PTPRO: variants seen among roughly 807,000 people sequenced by gnomAD.
The protein encoded by PTPRO is protein tyrosine phosphatase receptor type O.
PTPRO carries 62 observed loss-of-function variants against 145.2 expected under a neutral mutation model. The ratio of observed to expected loss-of-function variants is 0.43; its 90% CI spans 0.35 to 0.53. The LOEUF (loss-of-function observed/expected upper bound fraction) is 0.53. PTPRO is among the 20% of genes least tolerant of loss of function. The pLI, the probability that PTPRO is intolerant of heterozygous loss-of-function variation, is 0.01. For missense variants in PTPRO, 1,345 were observed against 1,482.7 expected, an observed-to-expected ratio of 0.91 and a Z score of 1.53; for synonymous variants, 565 against 514.7, an observed-to-expected ratio of 1.10 and a Z score of -1.32.
At chr12:15,595,083 G>T in intron 26 of PTPRO, 26 bp downstream of exon 26, 1 of 1,476,346 alleles carries the variant, frequency 6.8e-7, no homozygotes, top group Non-Finnish European at 9.5e-7. Flanking sequence ...CTCTCCACGA[G>T]TGCTCAGTCT....
At position 15,586,932 on chromosome 12, in the gene PTPRO, C is replaced by T. The variant is rs1224927278; in HGVS notation, c.3291C>T (p.Tyr1097=). 1 of 1,614,092 alleles carries T rather than the reference C, an allele frequency of 6.2e-7. No individual in the cohort carries two copies. Among genetic ancestry groups the T allele is most frequent in the South Asian group, 1.1e-5 (1 of 91,080 alleles). Residue 1097 remains tyrosine, a synonymous_variant, in exon 24 of 27, where the codon TAC becomes TAT. Coordinates refer to ENST00000281171, the MANE Select transcript of PTPRO (RefSeq NM_030667.3). ...DEMQDVMHFN[Y]TAWPDHGVPT... is the part of the protein sequence containing the mutation. ...TGCAGGATGTGATGCATTTTAACTA[C>T]ACTGCATGGCCTGATCATGGTGTGC...
In PTPRO at chr12:15,549,140, T is replaced by C; in HGVS notation, c.2351T>C (p.Leu784Pro). Residue 784 changes from leucine to proline, a missense_variant, in exon 14 of 27, where the codon CTT (leucine) becomes CCT (proline). Transcript: ENST00000281171. ...SSHVVTISSL[L>P]PATAYNCSVT... ...CATGTCGTGACCATCTCCAGCCTTC[T>C]TCCTGCCACTGCCTACAATTGTAGT... The C allele has an allele frequency of 6.2e-7, 1 of 1,613,684 alleles. No homozygotes were observed. The highest frequency in any genetic ancestry group is 8.5e-7 in the Non-Finnish European group (1 of 1,179,720).
chr12:15,505,017 C>T (rs1219522562), intron 6 of PTPRO, among the ~76,000 whole-genome samples: 1 of 152,178 alleles, frequency 6.6e-6, no homozygotes, highest in East Asian at 1.9e-4. Context: ...TCCCAACTGC[C>T]TTGTGTGTCT....
At chr12:15,478,829 G>A (rs914958868) in intron 1 of PTPRO, among the ~76,000 whole-genome samples, 10 of 152,008 alleles carry the variant, frequency 6.6e-5, no homozygotes, top group South Asian at 2.1e-4. Context: ...CCGCCACCAC[G>A]CCCGGGTAAT....
intron 1 of PTPRO, among the ~76,000 whole-genome samples, chr12:15,451,598 A>C (rs1262603056): frequency 6.6e-6 from 1 of 152,238 alleles, no homozygotes; most frequent in Non-Finnish European, 1.5e-5. Context: ...GATAGGCCAC[A>C]AAACAAGTCT....
chr12:15,410,333 A>C (rs2136311739), intron 1 of PTPRO: 1 of 152,328 alleles, frequency 6.6e-6, no homozygotes, highest in South Asian at 2.1e-4. Context: ...TGATGGACCA[A>C]GTAAAGCAGG....
chr12:15,398,175 TAAC>T (rs1257572342), intron 1 of PTPRO, among the ~76,000 whole-genome samples: 1 of 152,206 alleles, frequency 6.6e-6, no homozygotes, highest in Non-Finnish European at 1.5e-5. Context: ...CTTCAAATGC[TAAC>T]AACATCATTA....
At chr12:15,434,762 G>T (rs1940548404) in intron 1 of PTPRO, among the ~76,000 whole-genome samples, 1 of 152,114 alleles carries the variant, frequency 6.6e-6, no homozygotes, top group Non-Finnish European at 1.5e-5. Context: ...AAGAGCTGTT[G>T]AATGTGTGCA....
intron 1 of PTPRO, among the ~76,000 whole-genome samples, chr12:15,347,017 T>C (rs1340921250): frequency 6.6e-6 from 1 of 152,128 alleles, no homozygotes; most frequent in African/African-American, 2.4e-5. Flanking sequence ...CCATTCTCTC[T>C]GCCTGGAAAA....
Position 15,370,079 on chromosome 12 carries a change from C to T in PTPRO, c.75+47278C>T, listed in dbSNP as rs922790676. Among the ~76,000 whole-genome samples, 4 of 152,030 alleles carry T rather than the reference C, an allele frequency of 2.6e-5. No individual in the cohort carries two copies. In the South Asian group the frequency reaches 8.3e-4, roughly 32 times the overall value. On this transcript the variant is annotated intron_variant, in intron 1 of 26. Transcript: ENST00000281171. Reference sequence around the variant, plus strand: ...AAAAAATTTTAAAAATGTGTTTCCTCCTCAAGGAAGTGTATGTTATCTCAA... The same window carrying T: ...AAAAAATTTTAAAAATGTGTTTCCTTCTCAAGGAAGTGTATGTTATCTCAA...
chr12:15,527,004 TATA>T (rs1314871422), intron 12 of PTPRO, among the ~76,000 whole-genome samples: 2 of 152,124 alleles, frequency 1.3e-5, no homozygotes, highest in East Asian at 1.9e-4. Context: ...TATATTTTCA[TATA>T]ATGAGAGAAA....
intron 18 of PTPRO, among the ~76,000 whole-genome samples, chr12:15,567,499 C>T (rs1943931124): frequency 6.6e-6 from 1 of 152,014 alleles, no homozygotes; most frequent in African/African-American, 2.4e-5. Flanking sequence ...GTTTGCTATT[C>T]CTTCCTCTCT....
intron 10 of PTPRO, among the ~76,000 whole-genome samples, chr12:15,523,719 A>G (rs2417440): frequency 1 from 152,249 of 152,302 alleles, 76,098 homozygotes; most frequent in Non-Finnish European, 1. Context: ...AGGCTGCAGT[A>G]AGCTGAGATT....
Position 15,516,966 on chromosome 12 carries a change from C to A in PTPRO, c.1779+10C>A, listed in dbSNP as rs186128258. ...CTTAACTGCATCCGTGGTAATCTTC[C>A]CTTAACCAACTGTCAGTCTTTCCTA... is the stretch of plus-strand genomic sequence containing the variant. On this transcript the variant is annotated intron_variant, in intron 9 of 26. Transcript: ENST00000281171. 1 of 1,606,052 alleles carries A rather than the reference C, an allele frequency of 6.2e-7. No homozygotes were observed. The highest frequency in any genetic ancestry group is 1.3e-5 in the African/African-American group (1 of 74,822).
At chr12:15,324,787 T>C (rs551423210) in intron 1 of PTPRO, among the ~76,000 whole-genome samples, 2 of 152,304 alleles carry the variant, frequency 1.3e-5, no homozygotes, top group African/African-American at 4.8e-5. Flanking sequence ...TTTCATTTAA[T>C]CCTATTTTGC....
intron 2 of PTPRO, among the ~76,000 whole-genome samples, chr12:15,486,631 G>C (rs903950720): frequency 4.6e-5 from 7 of 151,752 alleles, no homozygotes; most frequent in Non-Finnish European, 7.4e-5. Context: ...TAATATCATG[G>C]TTTACTTAAT....
intron 23 of PTPRO, among the ~76,000 whole-genome samples, chr12:15,585,568 T>G (rs2135661671): frequency 6.6e-6 from 1 of 152,362 alleles, no homozygotes; most frequent in African/African-American, 2.4e-5. Context: ...TATTTATGAA[T>G]TGTCTTTATA....
At chr12:15,523,257 T>C (rs1942765676) in intron 10 of PTPRO, among the ~76,000 whole-genome samples, 1 of 152,240 alleles carries the variant, frequency 6.6e-6, no homozygotes, top group Non-Finnish European at 1.5e-5. Flanking sequence ...TATAGAAAAT[T>C]TCCATAGATT....
chr12:15,499,410 T>A lies in PTPRO; in HGVS notation c.509-32T>A, dbSNP rs200685327. 11 of 1,600,040 alleles carry A rather than the reference T, an allele frequency of 6.9e-6. No individual in the cohort carries two copies. In the East Asian group the frequency reaches 2.5e-4, roughly 36 times the overall value. On this transcript the variant is annotated intron_variant, in intron 3 of 26. Coordinates refer to ENST00000281171, the MANE Select transcript of PTPRO (RefSeq NM_030667.3). ...GAAGTGTGTGATGTTTAGAAGACCA[T>A]ATTTTTCATGTAATTGATTTTCTCT...
Sources: gnomAD v4.1 joint callset for allele counts (sites outside exome capture counted in the v4.1 genomes callset) on GRCh38, gnomAD v4.1.1 for gene constraint, MANE v1.5 for transcripts, NCBI Gene and HGNC (gene_info 2026-07-23, HGNC 2026-07-21) for gene names.